SIPA1L1: variants seen among roughly 807,000 people sequenced by gnomAD.
SIPA1L1 encodes the protein signal-induced proliferation-associated 1-like protein 1.
SIPA1L1 carries 26 observed loss-of-function variants against 162.7 expected under a neutral mutation model. The observed-to-expected ratio is 0.16, with a 90% CI of 0.12 to 0.22. The LOEUF (loss-of-function observed/expected upper bound fraction) is 0.22. SIPA1L1 is among the 10% of genes least tolerant of loss of function. The probability of loss-of-function intolerance (pLI) is 1.00; values close to 1 mark genes in which losing one functional copy is unlikely to be tolerated. For missense variants in SIPA1L1, 1,874 were observed against 2,241.0 expected (o/e 0.84, Z 3.31); for synonymous variants, 829 against 837.4 (o/e 0.99, Z 0.17).
At chr14:71,460,427 T>C (rs1345749472) in intron 2 of SIPA1L1, among the ~76,000 whole-genome samples, 1 of 152,212 alleles carries the variant, frequency 6.6e-6, no homozygotes, top group African/African-American at 2.4e-5. Flanking sequence ...ATGGATCTCC[T>C]GTATTCCTTG....
chr14:71,598,351 C>G, intron 5 of SIPA1L1: 3 of 375,972 alleles, frequency 8.0e-6, no homozygotes, highest in Non-Finnish European at 1.1e-5. Context: ...TTAAGACATT[C>G]GTAAACTACA....
At chr14:71,692,954 C>G (rs2081354098) in intron 13 of SIPA1L1, among the ~76,000 whole-genome samples, 1 of 152,116 alleles carries the variant, frequency 6.6e-6, no homozygotes, top group African/African-American at 2.4e-5. Flanking sequence ...TGGGCAAGGT[C>G]CTGTCCTTCT....
At chr14:71,401,681 G>A (rs970671894) in intron 2 of SIPA1L1, among the ~76,000 whole-genome samples, 1 of 151,606 alleles carries the variant, frequency 6.6e-6, no homozygotes, top group African/African-American at 2.4e-5. Flanking sequence ...TTTAGTTAAG[G>A]CAGATAGGCA....
At chr14:71,402,949 C>T (rs2041784155) in intron 2 of SIPA1L1, among the ~76,000 whole-genome samples, 1 of 152,028 alleles carries the variant, frequency 6.6e-6, no homozygotes, top group Admixed American at 6.5e-5. Flanking sequence ...CCGCTGTCCC[C>T]CTCTCCCTCC....
At chr14:71,580,612 T>C (rs2147287228) in intron 4 of SIPA1L1, among the ~76,000 whole-genome samples, 1 of 152,388 alleles carries the variant, frequency 6.6e-6, no homozygotes. Context: ...TTATACAGCC[T>C]TCTGTGATTT....
At chr14:71,546,902 A>T (rs2055267258) in intron 4 of SIPA1L1, among the ~76,000 whole-genome samples, 1 of 151,938 alleles carries the variant, frequency 6.6e-6, no homozygotes, top group Admixed American at 6.6e-5. Context: ...TGTACCACTT[A>T]TTTTTGCTCC....
intron 5 of SIPA1L1, among the ~76,000 whole-genome samples, chr14:71,598,865 TA>T (rs2036366495): frequency 6.6e-6 from 1 of 151,946 alleles, no homozygotes; most frequent in African/African-American, 2.4e-5. Context: ...TGCTAATAAC[TA>T]TAGTCACTCT....
At chr14:71,321,014 C>T (rs888870747) in intron 1 of SIPA1L1, 108 bp from the exon 2 acceptor site, 1 of 152,238 alleles carries the variant, frequency 6.6e-6, no homozygotes, top group African/African-American at 2.4e-5. Context: ...TCGGGCCCCC[C>T]TCCGCTCCGC....
At chr14:71,721,261 A>G (rs2083700991) in intron 17 of SIPA1L1, among the ~76,000 whole-genome samples, 1 of 151,010 alleles carries the variant, frequency 6.6e-6, no homozygotes, top group Non-Finnish European at 1.5e-5. Context: ...CTGGGTTGCT[A>G]GGCAATGTCT....
intron 22 of SIPA1L1, among the ~76,000 whole-genome samples, chr14:71,737,940 C>T (rs1023140206): frequency 5.9e-5 from 9 of 152,236 alleles, no homozygotes; most frequent in African/African-American, 2.2e-4. Context: ...GAAAGTACCT[C>T]TTGTGCTGCC....
intron 2 of SIPA1L1, among the ~76,000 whole-genome samples, chr14:71,386,899 T>C (rs2040365561): frequency 6.6e-6 from 1 of 152,150 alleles, no homozygotes; most frequent in African/African-American, 2.4e-5. Flanking sequence ...CATTGGTTTG[T>C]GTGAAAAATC....
chr14:71,610,556 A>G (rs151040119), intron 5 of SIPA1L1, among the ~76,000 whole-genome samples: 1 of 152,242 alleles, frequency 6.6e-6, no homozygotes, highest in East Asian at 1.9e-4. Flanking sequence ...TTTTAAAAAT[A>G]TAACTATTGG....
intron 5 of SIPA1L1, among the ~76,000 whole-genome samples, chr14:71,603,945 A>T: frequency 6.9e-6 from 1 of 144,126 alleles, no homozygotes; most frequent in African/African-American, 2.5e-5. Context: ...ATATATCTAT[A>T]TATATTTATA....
At chr14:71,435,424 T>G (rs1220899308) in intron 2 of SIPA1L1, among the ~76,000 whole-genome samples, 1 of 152,048 alleles carries the variant, frequency 6.6e-6, no homozygotes, top group Non-Finnish European at 1.5e-5. Flanking sequence ...GAACATGCGG[T>G]GTTTGGTTTT....
At chr14:71,543,989 A>G (rs889069028) in intron 4 of SIPA1L1, among the ~76,000 whole-genome samples, 5 of 149,518 alleles carry the variant, frequency 3.3e-5, no homozygotes, top group East Asian at 1.9e-4. Flanking sequence ...GCACATGTAT[A>G]TATACACACA....
chr14:71,716,765 C>T (rs965563773), intron 17 of SIPA1L1, among the ~76,000 whole-genome samples: 1 of 152,184 alleles, frequency 6.6e-6, no homozygotes, highest in Non-Finnish European at 1.5e-5. Context: ...TCTAGCATCC[C>T]CTCCTATAAA....
intron 16 of SIPA1L1, 80 bp downstream of exon 16, chr14:71,705,420 T>C: frequency 9.6e-7 from 1 of 1,036,320 alleles, no homozygotes; most frequent in Non-Finnish European, 1.5e-6. Flanking sequence ...CTCTGCTCTT[T>C]CCTCTGCATG....
rs1377437428 is a variant in SIPA1L1, at chr14:71,739,418, TA to T, written c.*258del. ...TTAACTGCTAAAATGTGAATGTCTTTATTTTTTTGCACAATATCTTTATCTG... is the reference window on the plus strand; with the variant it reads ...TTAACTGCTAAAATGTGAATGTCTTTTTTTTTTGCACAATATCTTTATCTG... On this transcript the variant is annotated 3_prime_UTR_variant, in exon 24 of 24. Transcript: ENST00000381232. 8.1e-6 allele frequency: 2 copies of T among 246,950 alleles called. No homozygotes were observed. Among genetic ancestry groups the T allele is most frequent in the Non-Finnish European group, 1.5e-5 (2 of 136,068 alleles). The allele number at this position is 246,950 out of a possible 1,614,324, so 15.3% of individuals were successfully genotyped here.
At chr14:71,486,334 G>C (rs2048754421) in intron 2 of SIPA1L1, among the ~76,000 whole-genome samples, 1 of 152,246 alleles carries the variant, frequency 6.6e-6, no homozygotes, top group African/African-American at 2.4e-5. Flanking sequence ...AAGGACACAG[G>C]CTCCTGGCTT....
Sources: gnomAD v4.1 joint callset for allele counts (sites outside exome capture counted in the v4.1 genomes callset) on GRCh38, gnomAD v4.1.1 for gene constraint, MANE v1.5 for transcripts, NCBI Gene and HGNC (gene_info 2026-07-23, HGNC 2026-07-21) for gene names.